The following STK32B variants were observed in gnomAD, a reference collection of about 807,000 sequenced individuals.
The protein encoded by STK32B is serine/threonine-protein kinase 32B.
In STK32B, 43 loss-of-function variants were observed where a neutral mutation model predicts 52.6. The ratio of observed to expected loss-of-function variants is 0.82; its 90% confidence interval spans 0.64 to 1.05. The LOEUF (loss-of-function observed/expected upper bound fraction) is 1.05. Among genes scored for constraint, STK32B ranks in the 50% least tolerant of loss-of-function variants. The pLI, the probability that STK32B is intolerant of heterozygous loss-of-function variation, is 0.00. For missense variants in STK32B, 621 were observed against 534.6 expected (o/e 1.16, Z -1.59); for synonymous variants, 238 against 204.3 (o/e 1.17, Z -1.41).
intron 11 of STK32B, among the ~76,000 whole-genome samples, chr4:5,496,574 G>C (rs1043219554): frequency 1.4e-5 from 2 of 139,430 alleles, no homozygotes; most frequent in African/African-American, 6.4e-5. Context: ...TGTGCCCACT[G>C]TCTGGCACTC....
At chr4:5,184,533 C>T (rs1287013973) in intron 3 of STK32B, among the ~76,000 whole-genome samples, 1 of 151,746 alleles carries the variant, frequency 6.6e-6, no homozygotes, top group Admixed American at 6.6e-5. Flanking sequence ...ACCAAAAATA[C>T]AAAAGTTAGC....
At chr4:5,322,114 G>C (rs928983024) in intron 3 of STK32B, among the ~76,000 whole-genome samples, 7 of 152,028 alleles carry the variant, frequency 4.6e-5, no homozygotes, top group Admixed American at 1.3e-4. Context: ...CAAGAGGATT[G>C]GTTGAGGACA....
At chr4:5,383,059 G>C (rs1392351393) in intron 4 of STK32B, among the ~76,000 whole-genome samples, 1 of 152,214 alleles carries the variant, frequency 6.6e-6, no homozygotes, top group African/African-American at 2.4e-5. Flanking sequence ...CGTCGACTCT[G>C]CTTTCAAACC....
At chr4:5,153,857 T>TA (rs1237467241) in intron 2 of STK32B, among the ~76,000 whole-genome samples, 7 of 152,170 alleles carry the variant, frequency 4.6e-5, no homozygotes, top group Admixed American at 1.3e-4. Flanking sequence ...AAAGTCAATA[T>TA]AAAAAACTAT....
chr4:5,360,535 A>G (rs776718560), intron 4 of STK32B, among the ~76,000 whole-genome samples: 1 of 152,108 alleles, frequency 6.6e-6, no homozygotes, highest in Non-Finnish European at 1.5e-5. Flanking sequence ...TTGTCTGATA[A>G]TTGGAGATGT....
intron 3 of STK32B, among the ~76,000 whole-genome samples, chr4:5,298,482 C>T (rs538421739): frequency 1.3e-5 from 2 of 152,222 alleles, no homozygotes; most frequent in African/African-American, 2.4e-5. Context: ...AGTTGCCCTG[C>T]CCGGTGAGGA....
intron 1 of STK32B, among the ~76,000 whole-genome samples, chr4:5,126,293 C>T (rs938817394): frequency 3.9e-5 from 6 of 152,174 alleles, no homozygotes; most frequent in African/African-American, 1.4e-4. Context: ...TGTCATTTTT[C>T]TTCTCTCCCT....
chr4:5,100,489 G>A (rs536189668), intron 1 of STK32B, among the ~76,000 whole-genome samples: 47 of 109,216 alleles, frequency 4.3e-4, no homozygotes, highest in African/African-American at 1.5e-3. Flanking sequence ...TTCCTTCCTT[G>A]CCTGCTCTTT....
chr4:5,429,390 T>C (rs897144553), intron 6 of STK32B, among the ~76,000 whole-genome samples: 8 of 152,166 alleles, frequency 5.3e-5, no homozygotes, highest in Non-Finnish European at 1.2e-4. Flanking sequence ...TTTGGATTAG[T>C]TGATCCTTAC....
At position 5,399,912 on chromosome 4, in the gene STK32B, G is replaced by C. The variant is rs1737180261; in HGVS notation, c.472+1668G>C. Among the ~76,000 whole-genome samples the C allele has an allele frequency of 6.6e-6, 1 of 152,136 alleles. No individual in the cohort carries two copies. Among genetic ancestry groups the C allele is most frequent in the Admixed American group, 6.5e-5 (1 of 15,280 alleles). ...TCACAGAAGCAGGGTAAAGAGGTGAGAAAACACAGAGGCTGGTTCTGCTTA... is the reference window on the plus strand; with the variant it reads ...TCACAGAAGCAGGGTAAAGAGGTGACAAAACACAGAGGCTGGTTCTGCTTA... On this transcript the variant is annotated intron_variant, in intron 5 of 11. Coordinates refer to ENST00000282908, the MANE Select transcript of STK32B (RefSeq NM_018401.3). The surrounding 1 kb of genome is among the most constrained non-coding windows in gnomAD (Gnocchi z 5.4).
At chr4:5,230,810 A>G (rs962892220) in intron 3 of STK32B, among the ~76,000 whole-genome samples, 4 of 152,196 alleles carry the variant, frequency 2.6e-5, no homozygotes, top group Admixed American at 2.0e-4. Flanking sequence ...AGATGAATCC[A>G]CAGAAAATTT....
intron 3 of STK32B, among the ~76,000 whole-genome samples, chr4:5,237,018 C>T (rs1323336538): frequency 2.0e-5 from 3 of 152,150 alleles, no homozygotes; most frequent in Non-Finnish European, 2.9e-5. Flanking sequence ...ACTGATTTTG[C>T]TGCACAGGAA....
chr4:5,068,934 G>T (rs1465139279), intron 1 of STK32B, among the ~76,000 whole-genome samples: 1 of 151,992 alleles, frequency 6.6e-6, no homozygotes, highest in African/African-American at 2.4e-5. Flanking sequence ...GAACACGTAA[G>T]ACCTACTCCC....
intron 3 of STK32B, among the ~76,000 whole-genome samples, chr4:5,182,107 T>G (rs1478843733): frequency 6.6e-6 from 1 of 152,222 alleles, no homozygotes; most frequent in East Asian, 1.9e-4. Flanking sequence ...ACTTTCTTTG[T>G]TCATTCATAA....
chr4:5,126,425 A>G (rs1715368120), intron 1 of STK32B, among the ~76,000 whole-genome samples: 2 of 152,082 alleles, frequency 1.3e-5, no homozygotes, highest in Admixed American at 1.3e-4. Flanking sequence ...GGGCTCGCTC[A>G]CTTATCTGGG....
At chr4:5,429,866 G>A (rs568687649) in intron 6 of STK32B, among the ~76,000 whole-genome samples, 11 of 152,046 alleles carry the variant, frequency 7.2e-5, no homozygotes, top group Middle Eastern at 3.4e-3. Flanking sequence ...GGTTAAGAGG[G>A]TGGTTTTTTT....
intron 4 of STK32B, among the ~76,000 whole-genome samples, chr4:5,347,785 C>T (rs1169674362): frequency 2.0e-5 from 3 of 152,288 alleles, no homozygotes; most frequent in African/African-American, 7.2e-5. Context: ...GCACTTCCCT[C>T]TTTGCTCTCT....
chr4:5,218,801 TCTC>T (rs1169076593), intron 3 of STK32B, among the ~76,000 whole-genome samples: 2 of 152,192 alleles, frequency 1.3e-5, no homozygotes, highest in Non-Finnish European at 2.9e-5. Context: ...GGTCAAGTGT[TCTC>T]CTGCTTTTGG....
intron 1 of STK32B, among the ~76,000 whole-genome samples, chr4:5,125,561 C>T (rs1715315181): frequency 2.0e-5 from 3 of 152,208 alleles, no homozygotes; most frequent in Admixed American, 2.0e-4. Context: ...GCCAGCGATG[C>T]AGGGAGATGC....
Sources: gnomAD v4.1 joint callset for allele counts (sites outside exome capture counted in the v4.1 genomes callset) on GRCh38, gnomAD v4.1.1 for gene constraint, Gnocchi (gnomAD v3.1) non-coding constraint, MANE v1.5 for transcripts, NCBI Gene and HGNC (gene_info 2026-07-23, HGNC 2026-07-21) for gene names.